Variants in MSN observed in about 807,000 individuals in gnomAD.
MSN encodes the protein epididymis luminal protein 70.
A neutral mutation model predicts 48.0 loss-of-function variants in MSN; 2 were observed. That is an observed-to-expected ratio of 0.04 (90% CI 0.02 to 0.13). MSN has a LOEUF of 0.13. MSN is among the 10% of genes least tolerant of loss of function. The pLI is 1.00. For missense variants in MSN, 267 were observed against 470.1 expected (o/e 0.57, Z 3.99); for synonymous variants, 146 against 166.9 (o/e 0.87, Z 0.97).
At chrX:65,721,233 A>C (rs756998999) in intron 2 of MSN, among the ~76,000 whole-genome samples, 1 of 112,312 alleles carries the variant, frequency 8.9e-6, no homozygotes, top group Non-Finnish European at 1.9e-5. Context: ...TGATATATAA[A>C]GCATAGGATT....
intron 1 of MSN, among the ~76,000 whole-genome samples, chrX:65,630,806 G>T (rs896030272): frequency 5.4e-5 from 6 of 111,030 alleles, no homozygotes; most frequent in Admixed American, 1.9e-4. Context: ...GTACAATTTT[G>T]CATGGTTCAT....
rs35256397 is a variant in MSN at position 65,651,561 on chromosome X, T to TTTATTATTATTA, written c.-22+62979_-22+62990dup. Among the ~76,000 whole-genome samples the TTTATTATTATTA allele has an allele frequency of 3.5e-3, 329 of 94,494 alleles. 1 individual carries two copies. Among genetic ancestry groups the TTTATTATTATTA allele is most frequent in the African/African-American group, 0.013 (310 of 24,252 alleles). 82.1% of individuals were successfully genotyped at this position (94,494 alleles called of 115,157 possible). A position where few individuals can be genotyped will look rare whatever the true frequency, so the allele number is the denominator to read the frequency against. ...AAAATGGGCAAGGAAAGAAGTAATA[T>TTTATTATTATTA]TTATTATTATTATTATTATTATTAT... is the stretch of plus-strand genomic sequence containing the variant. On this transcript the variant is annotated intron_variant, in intron 1 of 3. Coordinates refer to the MSN transcript ENST00000609672.
At chrX:65,652,723 A>G (rs2070751545) in intron 1 of MSN, among the ~76,000 whole-genome samples, 1 of 112,030 alleles carries the variant, frequency 8.9e-6, no homozygotes, top group East Asian at 2.8e-4. Flanking sequence ...ACCCAGTGGA[A>G]AGAATCCTAG....
At chrX:65,616,700 C>G (rs1410614246) in intron 1 of MSN, among the ~76,000 whole-genome samples, 1 of 99,722 alleles carries the variant, frequency 1.0e-5, no homozygotes, top group Non-Finnish European at 2.0e-5. Context: ...CCCTTTATTT[C>G]CTTCTCCTGC....
intron 1 of MSN, among the ~76,000 whole-genome samples, chrX:65,643,560 T>G (rs1157146021): frequency 8.9e-6 from 1 of 112,172 alleles, no homozygotes; most frequent in African/African-American, 3.2e-5. Flanking sequence ...TTCTAGCAAC[T>G]GTACTCAAGC....
intron 1 of MSN, among the ~76,000 whole-genome samples, chrX:65,656,523 A>G (rs1008410914): frequency 1.8e-5 from 2 of 111,580 alleles, no homozygotes; most frequent in African/African-American, 6.5e-5. Context: ...ATGAGCTCCA[A>G]GGTTATGCCT....
intron 1 of MSN, among the ~76,000 whole-genome samples, chrX:65,651,984 CTCACGCCTGTAATCCCAG>C (rs1200322603): frequency 3.7e-5 from 4 of 108,101 alleles, no homozygotes; most frequent in Non-Finnish European, 7.7e-5. Flanking sequence ...GGCATGGTGG[CTCACGCCTGTAATCCCAG>C]CACTTTGGGA....
chrX:65,646,063 A>G (rs939856815), intron 1 of MSN, among the ~76,000 whole-genome samples: 2 of 112,035 alleles, frequency 1.8e-5, no homozygotes, highest in African/African-American at 3.2e-5. Flanking sequence ...CATAATTTCA[A>G]AACACTTCTG....
rs1368024856 is a variant in MSN at position 65,740,450 on chromosome X, A to C, written c.*557A>C. 1 of 173,416 alleles carries C rather than the reference A, an allele frequency of 5.8e-6. No homozygotes were observed. The highest frequency in any genetic ancestry group is 3.0e-5 in the African/African-American group (1 of 33,819). 14.3% of individuals were successfully genotyped at this position (173,416 alleles called of 1,213,427 possible). A position where few individuals can be genotyped will look rare whatever the true frequency, so the allele number is the denominator to read the frequency against. Reference sequence around the variant, plus strand: ...TTGGGGGATAAAAAGATGTTCAGTCATTTTTGTTTCTACCTCCCAGATCGG... The same window carrying C: ...TTGGGGGATAAAAAGATGTTCAGTCCTTTTTGTTTCTACCTCCCAGATCGG... On this transcript the variant is annotated 3_prime_UTR_variant, in exon 13 of 13. Transcript: ENST00000360270.
chrX:65,724,665 G>A (rs1241951796), intron 2 of MSN, among the ~76,000 whole-genome samples: 4 of 99,611 alleles, frequency 4.0e-5, no homozygotes, highest in African/African-American at 1.5e-4. Flanking sequence ...TTTTATGTTT[G>A]TTTTGTTTTG....
At chrX:65,713,181 A>G (rs1414963220) in intron 1 of MSN, among the ~76,000 whole-genome samples, 2 of 111,785 alleles carry the variant, frequency 1.8e-5, no homozygotes, top group African/African-American at 6.5e-5. Context: ...ATGAAATTTC[A>G]GCTATCATTG....
intron 1 of MSN, among the ~76,000 whole-genome samples, chrX:65,617,327 A>T (rs1253973833): frequency 9.0e-6 from 1 of 110,837 alleles, no homozygotes; most frequent in African/African-American, 3.3e-5. Context: ...CTGTGAATCC[A>T]TCTGGTCCTG....
chrX:65,629,884 A>G (rs1051601067), intron 1 of MSN, among the ~76,000 whole-genome samples: 4 of 111,748 alleles, frequency 3.6e-5, no homozygotes, highest in Non-Finnish European at 7.5e-5. Flanking sequence ...CAGTCTTTTA[A>G]AGTGTACAAT....
intron 1 of MSN, among the ~76,000 whole-genome samples, chrX:65,682,433 A>G (rs768515317): frequency 1.6e-4 from 18 of 111,356 alleles, no homozygotes; most frequent in Non-Finnish European, 3.2e-4. Context: ...CCATTTGCAT[A>G]CCCCCATTCC....
intron 1 of MSN, among the ~76,000 whole-genome samples, chrX:65,620,873 T>C (rs1429398137): frequency 9.1e-6 from 1 of 110,094 alleles, no homozygotes; most frequent in Non-Finnish European, 1.9e-5. Context: ...TTTCACTTTT[T>C]TTTTTTTTTG....
chrX:65,685,072 A>T (rs2071100397), intron 1 of MSN, among the ~76,000 whole-genome samples: 1 of 112,397 alleles, frequency 8.9e-6, no homozygotes, highest in Non-Finnish European at 1.9e-5. Context: ...CTACACAAAT[A>T]AAGGGGCCAT....
At chrX:65,598,053 A>G (rs1313557515) in intron 1 of MSN, among the ~76,000 whole-genome samples, 1 of 111,405 alleles carries the variant, frequency 9.0e-6, no homozygotes, top group African/African-American at 3.3e-5. Flanking sequence ...TGAAAACCTC[A>G]GAGGGACCCC....
intron 1 of MSN, among the ~76,000 whole-genome samples, chrX:65,658,390 T>C (rs774371682): frequency 1.8e-5 from 2 of 111,973 alleles, no homozygotes; most frequent in African/African-American, 6.5e-5. Flanking sequence ...ATTTCTCTTC[T>C]ATGAATGAAG....
intron 1 of MSN, among the ~76,000 whole-genome samples, chrX:65,670,490 C>T (rs775924497): frequency 1.4e-4 from 16 of 110,497 alleles, no homozygotes; most frequent in Admixed American, 3.9e-4. Flanking sequence ...TTTGGGAGGC[C>T]GAGGCAGGCA....
Sources: gnomAD v4.1 joint callset for allele counts (sites outside exome capture counted in the v4.1 genomes callset) on GRCh38, gnomAD v4.1.1 for gene constraint, MANE v1.5 for transcripts, NCBI Gene and HGNC (gene_info 2026-07-23, HGNC 2026-07-21) for gene names.